The following KLHL20 variants were observed in gnomAD, a reference collection of about 807,000 sequenced individuals.
KLHL20 encodes the protein kelch-like protein 20.
In KLHL20, 29 loss-of-function variants were observed where a neutral mutation model predicts 69.5. That is an observed-to-expected ratio of 0.42 (90% CI 0.31 to 0.57). The LOEUF (loss-of-function observed/expected upper bound fraction) is 0.57. KLHL20 is among the 20% of genes least tolerant of loss of function. The pLI is 0.18. For synonymous variants in KLHL20, 253 were observed against 265.2 expected (o/e 0.95, Z 0.45); for missense variants, 419 against 776.0 (o/e 0.54, Z 5.47).
At chr1:173,744,871 G>C (rs923160337) in intron 3 of KLHL20, among the ~76,000 whole-genome samples, 1 of 151,886 alleles carries the variant, frequency 6.6e-6, no homozygotes, top group Non-Finnish European at 1.5e-5. Context: ...GTATGTATGC[G>C]GTAGGACTAG....
intron 4 of KLHL20, 63 bp downstream of exon 4, chr1:173,751,985 C>A: frequency 1.3e-6 from 2 of 1,519,074 alleles, no homozygotes; most frequent in African/African-American, 1.4e-5. Flanking sequence ...TGACTGTAAT[C>A]CCAGCACTTT....
At chr1:173,741,535 G>T in intron 3 of KLHL20, 1 of 399,154 alleles carries the variant, frequency 2.5e-6, no homozygotes, top group Admixed American at 4.4e-5. Context: ...AAAATTGATA[G>T]ATTTGACTAC....
intron 3 of KLHL20, chr1:173,741,967 G>A (rs918610882): frequency 7.0e-6 from 5 of 715,586 alleles, no homozygotes; most frequent in Admixed American, 2.4e-5. Flanking sequence ...AAACCATCTC[G>A]ATAAACACAT....
At chr1:173,769,998 G>A (rs1647986869) in intron 8 of KLHL20, among the ~76,000 whole-genome samples, 1 of 151,962 alleles carries the variant, frequency 6.6e-6, no homozygotes, top group South Asian at 2.1e-4. Context: ...TAGAAAAACT[G>A]TCACAAACCA....
Position 173,753,337 on chromosome 1 carries a change from A to G in KLHL20, c.851+30A>G, listed in dbSNP as rs754979783. The G allele has an allele frequency of 4.0e-5, 59 of 1,488,200 alleles. No individual in the cohort carries two copies. In the South Asian group the frequency reaches 5.5e-4, roughly 14 times the overall value. 92.2% of individuals were successfully genotyped at this position (1,488,200 alleles called of 1,614,324 possible). A position where few individuals can be genotyped will look rare whatever the true frequency, so the allele number is the denominator to read the frequency against. ...GAGTGACCCTGGATGGGAAAAATCA[A>G]CAACTAAGCATTCCTATTTTTTCCT... On this transcript the variant is annotated intron_variant, in intron 5 of 11. Transcript: ENST00000209884.
intron 2 of KLHL20, among the ~76,000 whole-genome samples, chr1:173,722,198 G>T (rs1276923107): frequency 6.6e-6 from 1 of 152,042 alleles, no homozygotes; most frequent in Non-Finnish European, 1.5e-5. Flanking sequence ...CGATCCTCCT[G>T]CCTCAACCTG....
chr1:173,769,095 A>G (rs932702331), intron 8 of KLHL20, among the ~76,000 whole-genome samples: 5 of 152,194 alleles, frequency 3.3e-5, no homozygotes, highest in Non-Finnish European at 7.3e-5. Context: ...GGGTTTCTCA[A>G]CCTCAACACT....
At chr1:173,741,775 A>G (rs1449907827) in intron 3 of KLHL20, 1 of 1,483,968 alleles carries the variant, frequency 6.7e-7, no homozygotes, top group Non-Finnish European at 9.2e-7. Flanking sequence ...TACTTCATGG[A>G]TGTGGAATGC....
At chr1:173,784,679 TC>T (rs1649092665) in intron 11 of KLHL20, among the ~76,000 whole-genome samples, 2 of 152,330 alleles carry the variant, frequency 1.3e-5, no homozygotes, top group African/African-American at 4.8e-5. Flanking sequence ...CTGACTTTAC[TC>T]AAATCTGGTT....
chr1:173,739,570 G>C (rs546017691), intron 3 of KLHL20, among the ~76,000 whole-genome samples: 1 of 150,596 alleles, frequency 6.6e-6, no homozygotes, highest in South Asian at 2.1e-4. Context: ...AGGTTTTCTA[G>C]TTTGTGCACA....
intron 3 of KLHL20, among the ~76,000 whole-genome samples, chr1:173,746,911 C>A (rs573100462): frequency 6.7e-6 from 1 of 149,172 alleles, no homozygotes; most frequent in Non-Finnish European, 1.5e-5. Context: ...TGATTCTAGT[C>A]TTTAGTGCTT....
chr1:173,783,930 C>G (rs1225921579), intron 11 of KLHL20, among the ~76,000 whole-genome samples: 1 of 150,594 alleles, frequency 6.6e-6, no homozygotes, highest in East Asian at 2.0e-4. Context: ...ACAACAACAA[C>G]AAAAATTCCT....
At chr1:173,756,649 T>G (rs1464192252) in intron 6 of KLHL20, among the ~76,000 whole-genome samples, 1 of 152,256 alleles carries the variant, frequency 6.6e-6, no homozygotes, top group Non-Finnish European at 1.5e-5. Context: ...GAAAAAACAT[T>G]AAACAATTAT....
At chr1:173,763,210 C>CAA (rs1647433299) in intron 7 of KLHL20, among the ~76,000 whole-genome samples, 1 of 151,986 alleles carries the variant, frequency 6.6e-6, no homozygotes, top group South Asian at 2.1e-4. Flanking sequence ...AGGAGAACTA[C>CAA]AAAATAGTGC....
At chr1:173,763,306 A>G (rs960666032) in intron 7 of KLHL20, among the ~76,000 whole-genome samples, 9 of 152,210 alleles carry the variant, frequency 5.9e-5, no homozygotes, top group Non-Finnish European at 1.0e-4. Context: ...AAATGACCAT[A>G]TTGCCAAAGC....
intron 10 of KLHL20, among the ~76,000 whole-genome samples, chr1:173,780,902 T>G (rs905436332): frequency 1.3e-5 from 2 of 151,742 alleles, no homozygotes; most frequent in African/African-American, 4.8e-5. Flanking sequence ...GCTGTTTTTT[T>G]GTATTTTTAA....
chr1:173,748,002 C>A (rs1280544978), intron 3 of KLHL20, among the ~76,000 whole-genome samples: 3 of 151,572 alleles, frequency 2.0e-5, no homozygotes, highest in African/African-American at 4.8e-5. Context: ...ACTACAAATT[C>A]TTTATACATA....
At chr1:173,765,225 C>G (rs1012898232) in intron 7 of KLHL20, among the ~76,000 whole-genome samples, 8 of 152,094 alleles carry the variant, frequency 5.3e-5, no homozygotes, top group Admixed American at 3.9e-4. Context: ...CATACTCGGC[C>G]GGACATGGTG....
chr1:173,729,349 A>G (rs978206729), intron 2 of KLHL20, among the ~76,000 whole-genome samples: 1 of 152,204 alleles, frequency 6.6e-6, no homozygotes. Context: ...TAGAAAAAGA[A>G]GGAATCCTCC....
Sources: gnomAD v4.1 joint callset for allele counts (sites outside exome capture counted in the v4.1 genomes callset) on GRCh38, gnomAD v4.1.1 for gene constraint, MANE v1.5 for transcripts, NCBI Gene and HGNC (gene_info 2026-07-23, HGNC 2026-07-21) for gene names.